The following PKHD1 variants were observed in gnomAD, a reference collection of about 807,000 sequenced individuals.
PKHD1 encodes the protein PKHD1 ciliary IPT domain containing fibrocystin/polyductin, also known as fibrocystin.
A neutral mutation model predicts 412.0 loss-of-function variants in PKHD1; 291 were observed. That is an observed-to-expected ratio of 0.71 (90% CI 0.64 to 0.78). The LOEUF is 0.78. PKHD1 is among the 30% of genes least tolerant of loss of function. The pLI is 0.00. For missense variants in PKHD1, 4,825 were observed against 4,950.7 expected (o/e 0.97, Z 0.76); for synonymous variants, 1,777 against 1,821.5 (o/e 0.98, Z 0.62).
intron 51 of PKHD1, among the ~76,000 whole-genome samples, chr6:51,834,225 G>A (rs1768779545): frequency 6.6e-6 from 1 of 152,136 alleles, no homozygotes; most frequent in Admixed American, 6.6e-5. Flanking sequence ...AACTACACGA[G>A]ACAATGAGTT....
chr6:51,747,007 C>A, intron 58 of PKHD1, 118 bp from the exon 59 acceptor site: 1 of 663,210 alleles, frequency 1.5e-6, no homozygotes, highest in South Asian at 2.0e-5. Context: ...TTAAAGCTAT[C>A]CAGGATAGCC....
At chr6:51,896,389 C>G (rs1015459658) in intron 43 of PKHD1, among the ~76,000 whole-genome samples, 2 of 152,168 alleles carry the variant, frequency 1.3e-5, no homozygotes, top group African/African-American at 2.4e-5. Flanking sequence ...GGGAGGCACC[C>G]CCCAACAGGG....
At chr6:52,071,123 G>T (rs1178803463) in intron 8 of PKHD1, 53 bp from the exon 9 acceptor site, 4 of 1,188,726 alleles carry the variant, frequency 3.4e-6, no homozygotes, top group Non-Finnish European at 5.1e-6. Context: ...ACTACCAGAA[G>T]ATCTGACTCT....
At chr6:52,013,089 G>A (rs1050795460) in intron 34 of PKHD1, among the ~76,000 whole-genome samples, 3 of 152,158 alleles carry the variant, frequency 2.0e-5, no homozygotes, top group Non-Finnish European at 4.4e-5. Context: ...TTTGTACCCA[G>A]TTTATGAATG....
At chr6:52,039,697 A>G (rs1057122279) in intron 27 of PKHD1, among the ~76,000 whole-genome samples, 1 of 152,240 alleles carries the variant, frequency 6.6e-6, no homozygotes, top group African/African-American at 2.4e-5. Flanking sequence ...CAGTTTGGCA[A>G]TCCTTCAAGA....
intron 43 of PKHD1, among the ~76,000 whole-genome samples, chr6:51,899,669 C>G (rs942989299): frequency 1.3e-5 from 2 of 151,538 alleles, no homozygotes; most frequent in African/African-American, 4.9e-5. Flanking sequence ...CTGGCCAGGG[C>G]AATTAGGCAG....
intron 36 of PKHD1, among the ~76,000 whole-genome samples, chr6:51,935,269 G>A (rs953829948): frequency 1.7e-4 from 26 of 152,046 alleles, no homozygotes; most frequent in African/African-American, 2.2e-4. Flanking sequence ...AAGAATATTC[G>A]TTTATAATAG....
At chr6:52,074,185 G>T (rs1054719986) in intron 6 of PKHD1, among the ~76,000 whole-genome samples, 1 of 152,186 alleles carries the variant, frequency 6.6e-6, no homozygotes, top group Admixed American at 6.5e-5. Flanking sequence ...GACTCATGAG[G>T]TCATGAAATC....
intron 52 of PKHD1, among the ~76,000 whole-genome samples, chr6:51,824,459 A>G (rs1181896248): frequency 2.6e-5 from 4 of 152,190 alleles, no homozygotes; most frequent in African/African-American, 9.6e-5. Flanking sequence ...TGGTGAGGAC[A>G]CGACTTTGAC....
intron 35 of PKHD1, among the ~76,000 whole-genome samples, chr6:51,962,617 G>A (rs1792228044): frequency 6.6e-6 from 1 of 152,026 alleles, no homozygotes; most frequent in Non-Finnish European, 1.5e-5. Context: ...GTGTTTAAAT[G>A]ATGTGTCAAA....
chr6:51,736,675 T>C (rs1403796559), intron 60 of PKHD1, among the ~76,000 whole-genome samples: 1 of 152,198 alleles, frequency 6.6e-6, no homozygotes, highest in Admixed American at 6.5e-5. Context: ...TTTTCCCCTC[T>C]AGCTAGAAGA....
At chr6:52,060,405 A>C (rs1808500875) in intron 14 of PKHD1, among the ~76,000 whole-genome samples, 1 of 152,228 alleles carries the variant, frequency 6.6e-6, no homozygotes, top group South Asian at 2.1e-4. Flanking sequence ...ATTATTAGAA[A>C]TAAAGACAGA....
intron 35 of PKHD1, among the ~76,000 whole-genome samples, chr6:51,982,198 C>CG (rs1562051212): frequency 8.2e-5 from 3 of 36,370 alleles, no homozygotes; most frequent in Admixed American, 3.8e-4. Flanking sequence ...GGGGGTCAGC[C>CG]CCCCGCCCGG....
chr6:51,842,788 G>T (rs995390236), intron 50 of PKHD1, among the ~76,000 whole-genome samples: 1 of 152,220 alleles, frequency 6.6e-6, no homozygotes, highest in East Asian at 1.9e-4. Flanking sequence ...TGCTTTGGGG[G>T]ACCCAGCTGC....
Position 51,639,048 on chromosome 6 carries a change from T to C in PKHD1, c.11399-92A>G, listed in dbSNP as rs1768983745. The C allele has an allele frequency of 7.2e-6, 7 of 970,376 alleles. No homozygotes were observed. In the Admixed American group the frequency reaches 8.6e-5, roughly 12 times the overall value. 60.1% of individuals were successfully genotyped at this position (970,376 alleles called of 1,614,324 possible). ...TCTGCGAAGGCAGACATTTGGACAA[T>C]AAAGGACAATTTTTTAAACTCAAAG... On this transcript the variant is annotated intron_variant, in intron 63 of 66. Transcript: ENST00000371117.
At chr6:51,904,641 C>T (rs759778237) in intron 41 of PKHD1, among the ~76,000 whole-genome samples, 3 of 152,098 alleles carry the variant, frequency 2.0e-5, no homozygotes, top group Non-Finnish European at 4.4e-5. Flanking sequence ...AGTGCTTTAC[C>T]CACCACACAT....
intron 60 of PKHD1, among the ~76,000 whole-genome samples, chr6:51,716,041 A>C (rs1479815786): frequency 6.6e-6 from 1 of 152,202 alleles, no homozygotes; most frequent in Non-Finnish European, 1.5e-5. Context: ...ATTCTTCAAA[A>C]TCAATTTTAA....
chr6:51,715,041 TA>T (rs942534650), intron 60 of PKHD1, among the ~76,000 whole-genome samples: 5 of 151,944 alleles, frequency 3.3e-5, no homozygotes, highest in African/African-American at 7.3e-5. Context: ...GCCTTAAGTC[TA>T]AAAAAAGTCC....
At chr6:51,983,223 T>G (rs1444164768) in intron 35 of PKHD1, among the ~76,000 whole-genome samples, 2 of 152,262 alleles carry the variant, frequency 1.3e-5, no homozygotes, top group East Asian at 3.8e-4. Context: ...AAATTTAATT[T>G]TCTACGTACC....
Sources: allele counts gnomAD v4.1 joint callset (sites outside exome capture counted in the v4.1 genomes callset), GRCh38; gene constraint gnomAD v4.1.1; transcripts MANE v1.5; gene names NCBI Gene and HGNC (gene_info 2026-07-23, HGNC 2026-07-21).